UBE2V1: variants seen among roughly 807,000 people sequenced by gnomAD.
The protein encoded by UBE2V1 is ubiquitin conjugating enzyme E2 V1, also known as ubiquitin-conjugating enzyme E2 variant 1.
Under a neutral mutation model 19.6 loss-of-function variants are expected in UBE2V1, and 15 were observed. The observed-to-expected ratio is 0.77, with a 90% CI of 0.51 to 1.18. The LOEUF is 1.18. Among genes scored for constraint, UBE2V1 ranks in the 50% most tolerant of loss-of-function variants. The pLI is 0.00. For missense variants in UBE2V1, 125 were observed against 184.8 expected (o/e 0.68, Z 1.88); for synonymous variants, 60 against 60.7 (o/e 0.99, Z 0.05).
rs768787191 is a variant in UBE2V1 at position 50,082,843 on chromosome 20, C to T, written c.369G>A (p.Glu123=). ...CTTTAGACATCATTAGGCGCCGAAG[C>T]TCTTGCAGGACAACTTTGATGCTAT... ...NSYSIKVVLQ[E]LRRLMMSKEN... The change falls in exon 4 of 4, where the codon GAG becomes GAA. Residue 123 remains glutamate (E), a synonymous_variant. Transcript: ENST00000371674. 26 of 1,613,198 alleles carry T rather than the reference C, an allele frequency of 1.6e-5. No individual in the cohort carries two copies. Among genetic ancestry groups the T allele is most frequent in the South Asian group, 6.6e-5 (6 of 91,086 alleles).
intron 2 of UBE2V1, among the ~76,000 whole-genome samples, chr20:50,088,540 C>A (rs1005605230): frequency 6.6e-6 from 1 of 152,114 alleles, no homozygotes; most frequent in Admixed American, 6.5e-5. Context: ...AATCTCAGCA[C>A]TTTGGGAGGC....
chr20:50,111,181 C>T (rs2080728918), intron 1 of UBE2V1: 6 of 928,766 alleles, frequency 6.5e-6, no homozygotes, highest in Non-Finnish European at 7.7e-6. Context: ...TTTTAGGGCA[C>T]CTCAAAGCCT....
chr20:50,098,536 A>G (rs2079781148), intron 1 of UBE2V1, among the ~76,000 whole-genome samples: 1 of 152,118 alleles, frequency 6.6e-6, no homozygotes, highest in African/African-American at 2.4e-5. Flanking sequence ...GGCATTTCAG[A>G]GGTCTGAGCT....
chr20:50,104,698 T>G (rs2080246614), intron 1 of UBE2V1, among the ~76,000 whole-genome samples: 2 of 151,522 alleles, frequency 1.3e-5, no homozygotes, highest in African/African-American at 4.9e-5. Flanking sequence ...TAAGGTTTTT[T>G]ATTTTGAGAT....
At chr20:50,092,300 C>A (rs2079286916) in intron 2 of UBE2V1, among the ~76,000 whole-genome samples, 1 of 152,068 alleles carries the variant, frequency 6.6e-6, no homozygotes, top group South Asian at 2.1e-4. Context: ...CCACCCTGGG[C>A]AACAGAATAA....
At chr20:50,099,943 C>T (rs1265874007) in intron 1 of UBE2V1, among the ~76,000 whole-genome samples, 2 of 151,938 alleles carry the variant, frequency 1.3e-5, no homozygotes, top group Non-Finnish European at 2.9e-5. Context: ...CAAAAAAATA[C>T]AAGAATTAGC....
At chr20:50,089,022 T>C (rs1271107517) in intron 2 of UBE2V1, among the ~76,000 whole-genome samples, 1 of 152,172 alleles carries the variant, frequency 6.6e-6, no homozygotes, top group Non-Finnish European at 1.5e-5. Context: ...AGTGGGGATA[T>C]GGCAGTTAGG....
At chr20:50,104,518 A>T in intron 1 of UBE2V1, 1 of 231,246 alleles carries the variant, frequency 4.3e-6, no homozygotes, top group Non-Finnish European at 7.0e-6. Flanking sequence ...TTAGCCGGGC[A>T]AGGTGGCGGC....
chr20:50,113,783 A>ATTCG (rs369070132), upstream of UBE2V1, among the ~76,000 whole-genome samples: 16 of 137,256 alleles, frequency 1.2e-4, no homozygotes, highest in East Asian at 6.2e-4. Context: ...TCATTCATTC[A>ATTCG]TTCATTCATT....
At chr20:50,094,100 TTTTA>T (rs2079438647) in intron 2 of UBE2V1, among the ~76,000 whole-genome samples, 1 of 133,070 alleles carries the variant, frequency 7.5e-6, no homozygotes, top group African/African-American at 2.9e-5. Context: ...GAGGATTTGC[TTTTA>T]TTTAAATAAA....
At chr20:50,110,309 T>C (rs1389719896) in intron 1 of UBE2V1, among the ~76,000 whole-genome samples, 1 of 152,200 alleles carries the variant, frequency 6.6e-6, no homozygotes, top group East Asian at 1.9e-4. Flanking sequence ...CTCTAAGACA[T>C]ATGTAGATAT....
At chr20:50,098,858 A>C in intron 1 of UBE2V1, 3 of 934,178 alleles carry the variant, frequency 3.2e-6, no homozygotes, top group East Asian at 1.2e-4. Flanking sequence ...ATTTGAAAGG[A>C]AACAGCAAAA....
intron 2 of UBE2V1, among the ~76,000 whole-genome samples, chr20:50,089,837 A>T (rs1173285158): frequency 6.6e-6 from 1 of 152,220 alleles, no homozygotes; most frequent in Non-Finnish European, 1.5e-5. Flanking sequence ...ACATGATCCT[A>T]ATAGAAAATA....
chr20:50,083,593 G>A (rs975109124), intron 3 of UBE2V1: 1 of 153,306 alleles, frequency 6.5e-6, no homozygotes, highest in African/African-American at 2.4e-5. Context: ...GAACAGGAGA[G>A]CAGGCCTCAA....
At chr20:50,093,992 A>ATT (rs2079406293) in intron 2 of UBE2V1, among the ~76,000 whole-genome samples, 3 of 91,384 alleles carry the variant, frequency 3.3e-5, no homozygotes, top group African/African-American at 6.3e-5. Context: ...CAACTCAAAA[A>ATT]AAAAAAAAAA....
At chr20:50,091,437 G>A (rs1363124373) in intron 2 of UBE2V1, among the ~76,000 whole-genome samples, 22 of 132,638 alleles carry the variant, frequency 1.7e-4, no homozygotes, top group Non-Finnish European at 3.0e-4. Flanking sequence ...TTGAGATGGA[G>A]TCTCGCTCTT....
rs142611933 is a variant in UBE2V1 at position 50,093,408 on chromosome 20, T to C, written c.171+3264A>G. Reference sequence around the variant, plus strand: ...TTCGAGTTACACAGCAAATAGCTCATGTGCTAATCATGAAAGATTGGTCAC... The same window carrying C: ...TTCGAGTTACACAGCAAATAGCTCACGTGCTAATCATGAAAGATTGGTCAC... On this transcript the variant is annotated intron_variant, in intron 2 of 3. Coordinates refer to ENST00000371674, the MANE Select transcript of UBE2V1 (RefSeq NM_001032288.3). Among the ~76,000 whole-genome samples the C allele has an allele frequency of 2.5e-3, 388 of 152,378 alleles. 2 individuals carry two copies. Among genetic ancestry groups the C allele is most frequent in the African/African-American group, 5.8e-3 (243 of 41,596 alleles).
chr20:50,115,668 A>G, upstream of UBE2V1: 2 of 1,277,220 alleles, frequency 1.6e-6, no homozygotes, highest in Non-Finnish European at 2.0e-6. Flanking sequence ...CACAGGGAAG[A>G]GGAAGGGACA....
At chr20:50,106,874 C>CAACAACAA (rs530425666) in intron 1 of UBE2V1, among the ~76,000 whole-genome samples, 3 of 124,694 alleles carry the variant, frequency 2.4e-5, no homozygotes, top group African/African-American at 9.5e-5. Context: ...ACAACAACAA[C>CAACAACAA]AAAAAAAAAA....
Sources: gnomAD v4.1 joint callset for allele counts (sites outside exome capture counted in the v4.1 genomes callset) on GRCh38, gnomAD v4.1.1 for gene constraint, MANE v1.5 for transcripts, NCBI Gene and HGNC (gene_info 2026-07-23, HGNC 2026-07-21) for gene names.